ANKS1B: variants seen among roughly 807,000 people sequenced by gnomAD.
ANKS1B encodes ankyrin repeat and sterile alpha motif domain-containing protein 1B.
A neutral mutation model predicts 148.3 loss-of-function variants in ANKS1B; 36 were observed. That is an observed-to-expected ratio of 0.24 (90% CI 0.19 to 0.32). The LOEUF (loss-of-function observed/expected upper bound fraction) is 0.32, where lower values mean the gene tolerates loss of function less well. Ranked by LOEUF, ANKS1B falls within the 10% of genes least tolerant of loss-of-function variation. ANKS1B has a pLI of 1.00. For missense variants in ANKS1B, 1,157 were observed against 1,542.6 expected (o/e 0.75, Z 4.19); for synonymous variants, 542 against 560.8 (o/e 0.97, Z 0.47).
intron 10 of ANKS1B, among the ~76,000 whole-genome samples, chr12:99,477,297 T>G (rs1011159666): frequency 6.6e-6 from 1 of 152,144 alleles, no homozygotes; most frequent in African/African-American, 2.4e-5. Context: ...ACATTGTTGG[T>G]GGCAATGGAA....
intron 12 of ANKS1B, among the ~76,000 whole-genome samples, chr12:99,302,045 G>A (rs2081706603): frequency 6.6e-6 from 1 of 152,110 alleles, no homozygotes; most frequent in South Asian, 2.1e-4. Flanking sequence ...AACAGGTGTG[G>A]GAAATATCAC....
chr12:99,403,658 T>C (rs1358258067), intron 11 of ANKS1B, among the ~76,000 whole-genome samples: 1 of 145,352 alleles, frequency 6.9e-6, no homozygotes, highest in African/African-American at 2.6e-5. Context: ...CATTTGTCAA[T>C]TTTTTCTTTT....
chr12:99,726,138 C>T (rs1362296125), intron 8 of ANKS1B, among the ~76,000 whole-genome samples: 1 of 152,052 alleles, frequency 6.6e-6, no homozygotes, highest in Non-Finnish European at 1.5e-5. Flanking sequence ...TAACTAAGAT[C>T]AGAGCAGAAC....
chr12:99,726,837 A>G (rs1375123724), intron 8 of ANKS1B, among the ~76,000 whole-genome samples: 1 of 152,212 alleles, frequency 6.6e-6, no homozygotes, highest in Non-Finnish European at 1.5e-5. Flanking sequence ...AGTTCAACAT[A>G]CACAAATCAA....
At chr12:99,840,464 T>C (rs1603274553) in intron 1 of ANKS1B, among the ~76,000 whole-genome samples, 1 of 151,978 alleles carries the variant, frequency 6.6e-6, no homozygotes, top group South Asian at 2.1e-4. Flanking sequence ...CTGCTAAGAA[T>C]AGTCTGAAGG....
At chr12:99,250,683 T>C (rs1361458476) in intron 12 of ANKS1B, among the ~76,000 whole-genome samples, 1 of 125,002 alleles carries the variant, frequency 8.0e-6, no homozygotes, top group African/African-American at 3.6e-5. Context: ...TTTGGGAGGG[T>C]TTGATATATG....
chr12:99,888,187 A>C (rs765194759), intron 1 of ANKS1B, among the ~76,000 whole-genome samples: 7 of 152,200 alleles, frequency 4.6e-5, no homozygotes, highest in Non-Finnish European at 7.3e-5. Context: ...CTGAGAGAGG[A>C]AGTAACAGGG....
intron 8 of ANKS1B, among the ~76,000 whole-genome samples, chr12:99,672,970 C>T (rs2098545386): frequency 6.6e-6 from 1 of 151,988 alleles, no homozygotes; most frequent in South Asian, 2.1e-4. Context: ...TCTCTAAAAG[C>T]CAAACTGATT....
chr12:99,665,062 C>A (rs755398189), intron 8 of ANKS1B, among the ~76,000 whole-genome samples: 2 of 152,136 alleles, frequency 1.3e-5, no homozygotes, highest in Non-Finnish European at 2.9e-5. Context: ...GCGGCCATTA[C>A]GAATAAAGTC....
chr12:99,547,541 G>C (rs1048080643), intron 9 of ANKS1B, among the ~76,000 whole-genome samples: 2 of 152,080 alleles, frequency 1.3e-5, no homozygotes, highest in African/African-American at 4.8e-5. Flanking sequence ...TCTGGGAGCT[G>C]AATCCACCCA....
Position 98,745,793 on chromosome 12 carries a change from C to T in ANKS1B, c.3804G>A (p.Pro1268=). ...TAATGCCCCTCTTGGCTTCTTGGCC[C>T]GGCTCCACAATCCACGGTAGATTGG... is the stretch of plus-strand genomic sequence containing the variant. ...TLANLPWIVE[P]GQEAKRGINT... The change falls in exon 27 of 27, where the codon CCG becomes CCA. Residue 1268 remains proline, a synonymous_variant. Coordinates refer to ENST00000683438, the MANE Select transcript of ANKS1B (RefSeq NM_001352186.2). 1 of 1,613,706 alleles carries T rather than the reference C, an allele frequency of 6.2e-7. No homozygotes were observed. The highest frequency in any genetic ancestry group is 8.5e-7 in the Non-Finnish European group (1 of 1,179,762).
At chr12:99,461,959 T>C (rs536838844) in intron 10 of ANKS1B, among the ~76,000 whole-genome samples, 167 of 152,340 alleles carry the variant, frequency 1.1e-3, no homozygotes, top group Non-Finnish European at 1.9e-3. Flanking sequence ...TCTATCCTTT[T>C]ATCCATCTAG....
intron 9 of ANKS1B, among the ~76,000 whole-genome samples, chr12:99,595,137 G>T (rs140873577): frequency 6.6e-6 from 1 of 151,986 alleles, no homozygotes; most frequent in East Asian, 1.9e-4. Flanking sequence ...AGTCATATAA[G>T]AATTAAATGA....
intron 9 of ANKS1B, among the ~76,000 whole-genome samples, chr12:99,646,196 C>A (rs1183345637): frequency 6.6e-6 from 1 of 151,978 alleles, no homozygotes; most frequent in East Asian, 1.9e-4. Context: ...GTAACATAGA[C>A]TTGAAGTGGA....
At chr12:99,646,747 T>C (rs2098372068) in intron 9 of ANKS1B, among the ~76,000 whole-genome samples, 1 of 151,242 alleles carries the variant, frequency 6.6e-6, no homozygotes, top group Admixed American at 6.6e-5. Flanking sequence ...TCATGTGTAC[T>C]GTCATTTCAA....
chr12:99,282,213 G>A (rs1283171940), intron 12 of ANKS1B, among the ~76,000 whole-genome samples: 1 of 152,122 alleles, frequency 6.6e-6, no homozygotes, highest in African/African-American at 2.4e-5. Context: ...TTGGCTACCT[G>A]GGAGAAGAGC....
At chr12:99,895,744 C>A (rs1313573565) in intron 1 of ANKS1B, among the ~76,000 whole-genome samples, 1 of 151,010 alleles carries the variant, frequency 6.6e-6, no homozygotes, top group Non-Finnish European at 1.5e-5. Context: ...AAGGCCAAAA[C>A]CCTTACTCAG....
At chr12:99,948,596 T>G (rs2095133891) in intron 1 of ANKS1B, among the ~76,000 whole-genome samples, 1 of 152,180 alleles carries the variant, frequency 6.6e-6, no homozygotes, top group Non-Finnish European at 1.5e-5. Flanking sequence ...ACCATCTGAT[T>G]GAGAATTCAG....
At chr12:99,712,095 C>T (rs1418407112) in intron 8 of ANKS1B, among the ~76,000 whole-genome samples, 1 of 152,188 alleles carries the variant, frequency 6.6e-6, no homozygotes, top group African/African-American at 2.4e-5. Flanking sequence ...AATGCAAGAA[C>T]AGAAAACCAA....
Sources: gnomAD v4.1 joint callset for allele counts (sites outside exome capture counted in the v4.1 genomes callset) on GRCh38, gnomAD v4.1.1 for gene constraint, MANE v1.5 for transcripts, NCBI Gene and HGNC (gene_info 2026-07-23, HGNC 2026-07-21) for gene names.